FRMD3: variants seen among roughly 807,000 people sequenced by gnomAD.
The protein encoded by FRMD3 is FERM domain containing 3, also known as FERM domain-containing protein 3.
FRMD3 carries 33 observed loss-of-function variants against 70.2 expected under a neutral mutation model. The ratio of observed to expected loss-of-function variants is 0.47; its 90% CI spans 0.36 to 0.63. FRMD3 has a LOEUF of 0.63. Among genes scored for constraint, FRMD3 ranks in the 20% least tolerant of loss-of-function variants. The probability of loss-of-function intolerance (pLI) is 0.00; values close to 1 mark genes in which losing one functional copy is unlikely to be tolerated. For synonymous variants in FRMD3, 279 were observed against 255.9 expected, an observed-to-expected ratio of 1.09 and a Z score of -0.86; for missense variants, 632 against 711.4, an observed-to-expected ratio of 0.89 and a Z score of 1.27.
chr9:83,507,736 A>ATATATATATATATATC (rs1554713917), intron 1 of FRMD3, among the ~76,000 whole-genome samples: 2 of 88,694 alleles, frequency 2.3e-5, no homozygotes, highest in African/African-American at 3.8e-5. Flanking sequence ...ATATATATAT[A>ATATATATATATATATC]TATCTTCTGG....
chr9:83,311,075 A>G (rs985382250), intron 8 of FRMD3, among the ~76,000 whole-genome samples: 6 of 152,166 alleles, frequency 3.9e-5, no homozygotes, highest in African/African-American at 9.7e-5. Flanking sequence ...TTAAATAGAA[A>G]CATGTGACCC....
the FRMD3 span, among the ~76,000 whole-genome samples, chr9:83,577,312 T>C: frequency 6.6e-6 from 1 of 152,000 alleles, no homozygotes; most frequent in East Asian, 1.9e-4. Flanking sequence ...TCCAATTTCA[T>C]AAAAGCAATA....
chr9:83,470,131 G>A (rs1828233135), intron 1 of FRMD3, among the ~76,000 whole-genome samples: 1 of 152,114 alleles, frequency 6.6e-6, no homozygotes, highest in Admixed American at 6.5e-5. Flanking sequence ...AATAAGGAGA[G>A]GTTCTACCAC....
intron 2 of FRMD3, among the ~76,000 whole-genome samples, chr9:83,384,055 G>A (rs55695005): frequency 0.036 from 5,509 of 152,224 alleles, 135 homozygotes; most frequent in Non-Finnish European, 0.054. Flanking sequence ...AAGTTATCAC[G>A]ATAGTACTGT....
intron 13 of FRMD3, among the ~76,000 whole-genome samples, chr9:83,289,377 G>A (rs914900564): frequency 1.3e-5 from 2 of 152,166 alleles, no homozygotes; most frequent in Non-Finnish European, 2.9e-5. Context: ...TTGAAGACAA[G>A]TAGTGTCTTC....
At position 83,333,212 on chromosome 9, in the gene FRMD3, C is replaced by T. The variant is rs530559189; in HGVS notation, c.596+2304G>A. 3.9e-5 allele frequency among the ~76,000 whole-genome samples: 6 copies of T among 152,332 alleles called. No individual in the cohort carries two copies. In the East Asian group the frequency reaches 7.7e-4, roughly 20 times the overall value. ...TGAGCAAAAATACACAGGGAAATAG[C>T]CCCTGAAGCTGTCCTTGCAAGGTGA... On this transcript the variant is annotated intron_variant, in intron 6 of 13. Transcript: ENST00000304195.
chr9:83,332,675 G>T (rs1218486916), intron 6 of FRMD3, among the ~76,000 whole-genome samples: 1 of 152,162 alleles, frequency 6.6e-6, no homozygotes, highest in Non-Finnish European at 1.5e-5. Flanking sequence ...TAATATTTGA[G>T]CACCTGTTGT....
intron 13 of FRMD3, among the ~76,000 whole-genome samples, chr9:83,282,484 T>C (rs942635992): frequency 2.0e-5 from 3 of 152,052 alleles, no homozygotes; most frequent in South Asian, 2.1e-4. Flanking sequence ...TGAAAAATAT[T>C]CCTGTCCCCA....
intron 13 of FRMD3, among the ~76,000 whole-genome samples, chr9:83,254,770 A>T (rs1325049105): frequency 6.6e-6 from 1 of 152,196 alleles, no homozygotes; most frequent in African/African-American, 2.4e-5. Flanking sequence ...TGAACTAGAA[A>T]ATCTAGAAGA....
Position 83,503,999 on chromosome 9 carries a change from G to T in FRMD3, c.147+34086C>A, listed in dbSNP as rs142197759. On this transcript the variant is annotated intron_variant, in intron 1 of 13. Transcript: ENST00000304195. ...TGGTGACAAGGGCGGGAGTGGGGAG[G>T]TGGTAACGGAAGAGAATACACTCCG... Among the ~76,000 whole-genome samples the T allele has an allele frequency of 8.4e-3, 1,281 of 152,290 alleles. 24 individuals are homozygous for T. The highest frequency in any genetic ancestry group is 0.03 in the African/African-American group (1,231 of 41,554).
chr9:83,466,170 GC>G (rs1162627907), intron 1 of FRMD3, among the ~76,000 whole-genome samples: 2 of 152,198 alleles, frequency 1.3e-5, no homozygotes, highest in Admixed American at 1.3e-4. Context: ...ATTCAGTCTG[GC>G]CCCTAGTAGC....
intron 3 of FRMD3, among the ~76,000 whole-genome samples, chr9:83,364,771 C>A (rs1824734855): frequency 6.6e-6 from 1 of 152,190 alleles, no homozygotes; most frequent in Non-Finnish European, 1.5e-5. Context: ...TTGAGTACAT[C>A]TAGAATTAAT....
At chr9:83,390,684 G>C (rs4478644) in intron 1 of FRMD3, among the ~76,000 whole-genome samples, 1 of 152,048 alleles carries the variant, frequency 6.6e-6, no homozygotes, top group African/African-American at 2.4e-5. Context: ...AATCTCTTCA[G>C]AGCAAAGACC....
At chr9:83,380,828 T>C (rs890458504) in intron 2 of FRMD3, among the ~76,000 whole-genome samples, 7 of 152,284 alleles carry the variant, frequency 4.6e-5, no homozygotes, top group East Asian at 1.9e-4. Context: ...CAGAGAAATA[T>C]GTTAAATAAC....
At chr9:83,543,624 C>A in the FRMD3 span, among the ~76,000 whole-genome samples, 1 of 152,190 alleles carries the variant, frequency 6.6e-6, no homozygotes, top group African/African-American at 2.4e-5. Context: ...GTGGCACCCA[C>A]ATGGGGCCAG....
chr9:83,246,743 A>T lies in FRMD3; in HGVS notation c.*1175T>A. ...CTTCTACAGAATCACAACAAATGGC[A>T]TGAGGGATCAAAATATTTACCTTAA... On this transcript the variant is annotated 3_prime_UTR_variant, in exon 14 of 14. Coordinates refer to ENST00000304195, the MANE Select transcript of FRMD3 (RefSeq NM_174938.6). The T allele has an allele frequency of 1.0e-6, 1 of 985,268 alleles. No homozygotes were observed. Among genetic ancestry groups the T allele is most frequent in the Non-Finnish European group, 1.2e-6 (1 of 829,896 alleles). 61.0% of individuals were successfully genotyped at this position (985,268 alleles called of 1,614,324 possible). A position where few individuals can be genotyped will look rare whatever the true frequency, so the allele number is the denominator to read the frequency against.
chr9:83,432,409 G>A lies in FRMD3; in HGVS notation c.148-42701C>T, dbSNP rs1460149742. Among the ~76,000 whole-genome samples, 5 of 152,164 alleles carry A rather than the reference G, an allele frequency of 3.3e-5. No individual in the cohort carries two copies. The East Asian group carries it at 9.6e-4, about 29-fold the overall frequency. On this transcript the variant is annotated intron_variant, in intron 1 of 13. Transcript: ENST00000304195. ...CAAGCAGCCACCAAGGCTGCTGGGTGGCCCGGGAGGAATGTGACTGTGTGT... is the reference window on the plus strand; with the variant it reads ...CAAGCAGCCACCAAGGCTGCTGGGTAGCCCGGGAGGAATGTGACTGTGTGT...
chr9:83,375,812 C>A (rs1224964830), intron 2 of FRMD3, among the ~76,000 whole-genome samples: 2 of 152,016 alleles, frequency 1.3e-5, no homozygotes, highest in Non-Finnish European at 2.9e-5. Flanking sequence ...TACAACAAAC[C>A]CCTATGACAA....
chr9:83,423,037 C>T (rs924833221), intron 1 of FRMD3, among the ~76,000 whole-genome samples: 2 of 152,056 alleles, frequency 1.3e-5, no homozygotes, highest in Non-Finnish European at 2.9e-5. Context: ...TCGAGTTCTC[C>T]ATGGGGACAG....
Sources: allele counts gnomAD v4.1 joint callset (sites outside exome capture counted in the v4.1 genomes callset), GRCh38; gene constraint gnomAD v4.1.1; transcripts MANE v1.5; gene names NCBI Gene and HGNC (gene_info 2026-07-23, HGNC 2026-07-21).